Variants in ATF3 observed in about 807,000 individuals in gnomAD.
The protein encoded by ATF3 is cyclic AMP-dependent transcription factor ATF-3.
A neutral mutation model predicts 18.4 loss-of-function variants in ATF3; 10 were observed. The ratio of observed to expected loss-of-function variants is 0.54; its 90% CI spans 0.34 to 0.92. ATF3 has a LOEUF of 0.92. Ranked by LOEUF, ATF3 falls within the 40% of genes least tolerant of loss-of-function variation. The pLI, the probability that ATF3 is intolerant of heterozygous loss-of-function variation, is 0.02. For missense variants in ATF3, 183 were observed against 222.3 expected (o/e 0.82, Z 1.12); for synonymous variants, 78 against 87.9 (o/e 0.89, Z 0.63).
chr1:212,572,813 A>G (rs938001205), intron 1 of ATF3, among the ~76,000 whole-genome samples: 2 of 152,100 alleles, frequency 1.3e-5, no homozygotes, highest in African/African-American at 2.4e-5. Context: ...ATCATTGTTG[A>G]TATTTGCTGT....
intron 2 of ATF3, 103 bp downstream of exon 2, chr1:212,615,364 A>G: frequency 2.1e-6 from 3 of 1,417,392 alleles, no homozygotes; most frequent in Non-Finnish European, 2.9e-6. Context: ...AGAGTGAAAC[A>G]AACAAAACCA....
At chr1:212,582,066 G>A (rs891698036) in intron 1 of ATF3, among the ~76,000 whole-genome samples, 2 of 152,150 alleles carry the variant, frequency 1.3e-5, no homozygotes, top group South Asian at 4.1e-4. Flanking sequence ...CTCACTTACA[G>A]GATTGCAAAA....
chr1:212,616,198 T>C (rs940256799), intron 2 of ATF3, among the ~76,000 whole-genome samples: 2 of 151,982 alleles, frequency 1.3e-5, no homozygotes, highest in African/African-American at 2.4e-5. Flanking sequence ...TATTATTGTA[T>C]AGATGCAGCC....
chr1:212,583,244 G>C (rs1664717306), intron 1 of ATF3, among the ~76,000 whole-genome samples: 1 of 152,002 alleles, frequency 6.6e-6, no homozygotes, highest in South Asian at 2.1e-4. Flanking sequence ...TTTTTTAAGT[G>C]ATGGGATCTC....
chr1:212,567,699 G>A lies in ATF3; in HGVS notation c.-5+2216G>A, dbSNP rs371369362. 2.0e-4 allele frequency among the ~76,000 whole-genome samples: 30 copies of A among 152,300 alleles called. 2 individuals carry two copies. In the South Asian group the frequency reaches 6.2e-3, roughly 32 times the overall value. On this transcript the variant is annotated intron_variant, in intron 1 of 3. Transcript: ENST00000366981. ...ATAATTATAATAATAGTCTAAGGTT[G>A]TGCTGCTGCTTCTAAAATAGGAACA...
Position 212,615,185 on chromosome 1 carries a change from G to T in ATF3, c.164G>T (p.Cys55Phe), listed in dbSNP as rs560166917. ...LRFAIQNKHL[C>F]HRMSSALESV... ...TTTGCCATCCAGAACAAGCACCTCT[G>T]CCACCGGATGTCCTCTGCGCTGGAA... Residue 55 changes from cysteine to phenylalanine, a missense_variant, in exon 2 of 4, where the codon TGC (cysteine) becomes TTC (phenylalanine). By Grantham distance (205) the Cys-to-Phe change is radical. Transcript: ENST00000341491. 35 of 1,614,204 alleles carry T rather than the reference G, an allele frequency of 2.2e-5. No individual in the cohort carries two copies. The South Asian group carries it at 3.5e-4, about 16-fold the overall frequency.
rs183324462 is a variant in ATF3 at position 212,579,227 on chromosome 1, G to C, written c.-5+13744G>C. 5.9e-5 allele frequency among the ~76,000 whole-genome samples: 9 copies of C among 151,994 alleles called. No homozygotes were observed. The East Asian group carries it at 1.7e-3, about 29-fold the overall frequency. ...GGGTTTCACCATGTAGGCCAGGCTG[G>C]TCTCAAACTCCTGACCTCAGGCAAT... is the stretch of plus-strand genomic sequence containing the variant. On this transcript the variant is annotated intron_variant, in intron 1 of 3. Coordinates refer to the ATF3 transcript ENST00000366981.
intron 1 of ATF3, among the ~76,000 whole-genome samples, chr1:212,587,191 T>A (rs1371452159): frequency 6.6e-6 from 1 of 152,228 alleles, no homozygotes; most frequent in Non-Finnish European, 1.5e-5. Flanking sequence ...TAAAAGACCG[T>A]GTTTGATAGA....
chr1:212,594,648 T>C (rs1387575152), intron 1 of ATF3, among the ~76,000 whole-genome samples: 2 of 152,220 alleles, frequency 1.3e-5, no homozygotes, highest in African/African-American at 4.8e-5. Flanking sequence ...CCTGGGTCTA[T>C]AGACAGAAAC....
At chr1:212,570,042 C>A (rs1042111710) in intron 1 of ATF3, among the ~76,000 whole-genome samples, 1 of 152,054 alleles carries the variant, frequency 6.6e-6, no homozygotes. Flanking sequence ...CTGTTCAGAG[C>A]CTTTGCCTGT....
At chr1:212,590,316 G>A (rs1664858477) in intron 1 of ATF3, among the ~76,000 whole-genome samples, 1 of 151,344 alleles carries the variant, frequency 6.6e-6, no homozygotes. Context: ...TGGTCTTGGT[G>A]TTTGTATGAA....
intron 1 of ATF3, among the ~76,000 whole-genome samples, chr1:212,593,743 TAAAAAAAAA>T (rs58956572): frequency 1.1e-4 from 13 of 115,402 alleles, no homozygotes; most frequent in Non-Finnish European, 1.4e-4. Context: ...CCTGTCTCTT[TAAAAAAAAA>T]AAAAAAAAAA....
intron 1 of ATF3, among the ~76,000 whole-genome samples, chr1:212,575,321 AT>A (rs1201587669): frequency 6.6e-6 from 1 of 151,944 alleles, no homozygotes; most frequent in East Asian, 1.9e-4. Context: ...TATAAATGGG[AT>A]TTTTTCAATT....
At position 212,618,563 on chromosome 1, in the gene ATF3, C is replaced by A; in HGVS notation, c.348+329C>A. On this transcript the variant is annotated intron_variant, in intron 3 of 3. Coordinates refer to ENST00000341491, the MANE Select transcript of ATF3 (RefSeq NM_001674.4). This position sits in a 1 kb window ranked among gnomAD's most constrained non-coding sequence, Gnocchi z 4.4. ...AAAGAGGCTTCACTTGACTGTTTTC[C>A]TGAGAAAAGGAAGCTGCCAGCTCTC... 1 of 415,918 alleles carries A rather than the reference C, an allele frequency of 2.4e-6. No homozygotes were observed. Among genetic ancestry groups the A allele is most frequent in the Non-Finnish European group, 4.4e-6 (1 of 226,046 alleles). The allele number at this position is 415,918 out of a possible 1,614,324, so 25.8% of individuals were successfully genotyped here. A position where few individuals can be genotyped will look rare whatever the true frequency, so the allele number is the denominator to read the frequency against.
chr1:212,593,743 TAAAAAAAAAAAAA>T (rs58956572), intron 1 of ATF3, among the ~76,000 whole-genome samples: 1 of 115,402 alleles, frequency 8.7e-6, no homozygotes, highest in Non-Finnish European at 1.7e-5. Context: ...CCTGTCTCTT[TAAAAAAAAAAAAA>T]AAAAAAAAAA....
chr1:212,580,014 C>T (rs1421338239), intron 1 of ATF3, among the ~76,000 whole-genome samples: 1 of 150,564 alleles, frequency 6.6e-6, no homozygotes, highest in Non-Finnish European at 1.5e-5. Flanking sequence ...GGGCCTGGTG[C>T]TGTGTGCCTG....
rs377098998 is a variant in ATF3, at chr1:212,619,351, C to T, written c.349-7C>T. The T allele has an allele frequency of 1.2e-6, 2 of 1,612,976 alleles. No homozygotes were observed. Among genetic ancestry groups the T allele is most frequent in the Non-Finnish European group, 8.5e-7 (1 of 1,180,010 alleles). On this transcript the variant is annotated splice_region_variant and splice_polypyrimidine_tract_variant and intron_variant, in intron 3 of 3. Coordinates refer to ENST00000341491, the MANE Select transcript of ATF3 (RefSeq NM_001674.4). The surrounding 1 kb of genome is among the most constrained non-coding windows in gnomAD (Gnocchi z 4.4). ...CTTTCTTGATGCCTCTGTTGCTTGT[C>T]CCCCAGGAGTCGGAGAAGCTGGAAA...
In ATF3 at chr1:212,619,171, T is replaced by C. The variant is rs933377505; in HGVS notation, c.349-187T>C. ...CCGCCTCTGTGGCATCACCAGGGTT[T>C]CTCTGAAGAAGAGGGTCTGCATTTT... On this transcript the variant is annotated intron_variant, in intron 3 of 3. Coordinates refer to ENST00000341491, the MANE Select transcript of ATF3 (RefSeq NM_001674.4). This position sits in a 1 kb window ranked among gnomAD's most constrained non-coding sequence, Gnocchi z 4.4. 3 of 1,613,376 alleles carry C rather than the reference T, an allele frequency of 1.9e-6. No homozygotes were observed. In the African/African-American group the frequency reaches 4.0e-5, roughly 22 times the overall value.
At position 212,619,224 on chromosome 1, in the gene ATF3, C is replaced by T; in HGVS notation, c.349-134C>T. 6.2e-7 allele frequency: 1 copy of T among 1,610,364 alleles called. No homozygotes were observed. Among genetic ancestry groups the T allele is most frequent in the Non-Finnish European group, 8.5e-7 (1 of 1,179,038 alleles). On this transcript the variant is annotated intron_variant, in intron 3 of 3. Transcript: ENST00000341491. This position sits in a 1 kb window ranked among gnomAD's most constrained non-coding sequence, Gnocchi z 4.4. ...TAAACCCAGTGCTGCTCTCCCATCT[C>T]CCATCTTCCTCTCGCAGCTTGATGA...
Sources: allele counts gnomAD v4.1 joint callset (sites outside exome capture counted in the v4.1 genomes callset), GRCh38; gene constraint gnomAD v4.1.1; non-coding constraint Gnocchi (gnomAD v3.1); transcripts MANE v1.5; gene names NCBI Gene and HGNC (gene_info 2026-07-23, HGNC 2026-07-21).